Variants in MSI2 observed in about 807,000 individuals in gnomAD.
The protein encoded by MSI2 is RNA-binding protein Musashi homolog 2.
Under a neutral mutation model 45.6 loss-of-function variants are expected in MSI2, and 17 were observed. The ratio of observed to expected loss-of-function variants is 0.37; its 90% confidence interval spans 0.26 to 0.56. MSI2 has a LOEUF of 0.56. Ranked by LOEUF, MSI2 falls within the 20% of genes least tolerant of loss-of-function variation. The pLI is 0.77. For synonymous variants in MSI2, 156 were observed against 158.2 expected (o/e 0.99, Z 0.11); for missense variants, 293 against 444.2 (o/e 0.66, Z 3.06).
At chr17:57,637,710 G>A (rs188253289) in intron 10 of MSI2, among the ~76,000 whole-genome samples, 4 of 152,206 alleles carry the variant, frequency 2.6e-5, no homozygotes, top group Non-Finnish European at 4.4e-5. Flanking sequence ...TGTTGAGAGG[G>A]TTAGTCGGAC....
At chr17:57,638,894 C>G (rs1910037831) in intron 10 of MSI2, among the ~76,000 whole-genome samples, 1 of 151,818 alleles carries the variant, frequency 6.6e-6, no homozygotes, top group Admixed American at 6.6e-5. Context: ...AGAATGAGAC[C>G]CTGTCTCAAA....
At chr17:57,401,537 A>G (rs1598219044) in intron 6 of MSI2, 66 bp downstream of exon 6, 4 of 1,283,624 alleles carry the variant, frequency 3.1e-6, no homozygotes, top group Middle Eastern at 1.8e-4. Flanking sequence ...AGAAGAGGCT[A>G]CCGTGGCCCC....
chr17:57,597,001 C>T (rs759721305), intron 8 of MSI2, 51 bp downstream of exon 8: 1 of 1,337,410 alleles, frequency 7.5e-7, no homozygotes, highest in East Asian at 2.3e-5. Flanking sequence ...TCTCTACGTA[C>T]ACACCCAGTC....
intron 7 of MSI2, among the ~76,000 whole-genome samples, chr17:57,558,608 C>A (rs1402034519): frequency 6.6e-6 from 1 of 152,190 alleles, no homozygotes; most frequent in East Asian, 1.9e-4. Flanking sequence ...TTGCCCCAGC[C>A]CTCTGACCTC....
chr17:57,281,301 C>T (rs749262377), intron 5 of MSI2, among the ~76,000 whole-genome samples: 22 of 152,292 alleles, frequency 1.4e-4, no homozygotes, highest in Middle Eastern at 6.8e-3. Context: ...TGTCAGTTCT[C>T]AGCACCTCTA....
intron 6 of MSI2, among the ~76,000 whole-genome samples, chr17:57,435,522 G>C (rs2084675355): frequency 6.6e-6 from 1 of 152,154 alleles, no homozygotes; most frequent in South Asian, 2.1e-4. Context: ...TGGATAGTGG[G>C]GAGCTAGGAG....
Position 57,311,110 on chromosome 17 carries a change from A to G in MSI2, c.312+48918A>G, listed in dbSNP as rs146312415. Among the ~76,000 whole-genome samples, 647 of 152,266 alleles carry G rather than the reference A, an allele frequency of 4.2e-3. 8 individuals are homozygous for G. The highest frequency in any genetic ancestry group is 0.015 in the African/African-American group (621 of 41,550). On this transcript the variant is annotated intron_variant, in intron 5 of 13. Coordinates refer to ENST00000284073, the MANE Select transcript of MSI2 (RefSeq NM_138962.4). The stretch of plus-strand genomic sequence containing the variant: ...TCAATATGTGGTGGCTCTGATTACT[A>G]TTATTGGTGTTGTTTGTAGAAAATT...
At chr17:57,599,352 C>T (rs1905606226) in intron 8 of MSI2, among the ~76,000 whole-genome samples, 1 of 152,114 alleles carries the variant, frequency 6.6e-6, no homozygotes, top group African/African-American at 2.4e-5. Flanking sequence ...CTTACTGGTG[C>T]CAAAGGAACT....
intron 6 of MSI2, among the ~76,000 whole-genome samples, chr17:57,508,615 C>A (rs1441241409): frequency 6.6e-6 from 1 of 152,180 alleles, no homozygotes; most frequent in East Asian, 1.9e-4. Context: ...TTTGGAAGGC[C>A]TCTTCCAAAG....
At position 57,524,778 on chromosome 17, in the gene MSI2, G is replaced by A. The variant is rs551590337; in HGVS notation, c.406-4898G>A. On this transcript the variant is annotated intron_variant, in intron 6 of 13. Transcript: ENST00000284073. ...GAGGGAGAACTTGCCACACTGAAGT[G>A]TGGAACTTGCTCCTAGATGGGAAAT... Among the ~76,000 whole-genome samples the A allele has an allele frequency of 7.9e-5, 12 of 152,342 alleles. No individual in the cohort carries two copies. In the South Asian group the frequency reaches 2.3e-3, roughly 29 times the overall value.
At chr17:57,463,847 G>A (rs183298327) in intron 6 of MSI2, among the ~76,000 whole-genome samples, 2 of 152,066 alleles carry the variant, frequency 1.3e-5, no homozygotes, top group Admixed American at 6.6e-5. Flanking sequence ...AACCAGCATC[G>A]CCCTCTTCTT....
At chr17:57,473,320 GTA>G (rs1436715464) in intron 6 of MSI2, among the ~76,000 whole-genome samples, 9 of 152,218 alleles carry the variant, frequency 5.9e-5, no homozygotes, top group African/African-American at 2.2e-4. Flanking sequence ...GCGTGTGTGA[GTA>G]TGTGTGCATA....
rs1383344853 is a variant in MSI2 at position 57,552,838 on chromosome 17, GA to G, written c.454+23115del. The stretch of plus-strand genomic sequence containing the variant: ...TCAGTATTTTTAGGAAATAAGTGGG[GA>G]CATAAATATAAACAACCCGGAAATC... On this transcript the variant is annotated intron_variant, in intron 7 of 13. Coordinates refer to ENST00000284073, the MANE Select transcript of MSI2 (RefSeq NM_138962.4). This position sits in a 1 kb window ranked among gnomAD's most constrained non-coding sequence, Gnocchi z 4.3. 6.6e-6 allele frequency among the ~76,000 whole-genome samples: 1 copy of G among 152,132 alleles called. No individual in the cohort carries two copies. The highest frequency in any genetic ancestry group is 1.5e-5 in the Non-Finnish European group (1 of 68,030).
chr17:57,400,718 G>A (rs1004463583), intron 5 of MSI2, among the ~76,000 whole-genome samples: 7 of 152,074 alleles, frequency 4.6e-5, no homozygotes, highest in African/African-American at 9.7e-5. Context: ...ACTTGCCGTA[G>A]TTAGGTTCAG....
At chr17:57,480,051 C>T (rs1295039954) in intron 6 of MSI2, among the ~76,000 whole-genome samples, 1 of 152,152 alleles carries the variant, frequency 6.6e-6, no homozygotes, top group East Asian at 1.9e-4. Flanking sequence ...AGTCTCAGCT[C>T]ACTCTGCCTC....
chr17:57,659,246 TG>T (rs138804834), intron 11 of MSI2, among the ~76,000 whole-genome samples: 5,128 of 151,810 alleles, frequency 0.034, 136 homozygotes, highest in Middle Eastern at 0.075. Flanking sequence ...GTGTGTTTTT[TG>T]TTTTTTCTTT....
chr17:57,340,266 G>T (rs59853101), intron 5 of MSI2, among the ~76,000 whole-genome samples: 3,757 of 152,198 alleles, frequency 0.025, 170 homozygotes, highest in African/African-American at 0.086. Flanking sequence ...GCCTCCAGAC[G>T]CACCTCCTCC....
chr17:57,424,810 G>C (rs567308407), intron 6 of MSI2, among the ~76,000 whole-genome samples: 1 of 152,120 alleles, frequency 6.6e-6, no homozygotes, highest in Non-Finnish European at 1.5e-5. Flanking sequence ...GATGACTCCA[G>C]GACAGCCAGT....
At position 57,258,529 on chromosome 17, in the gene MSI2, T is replaced by C. The variant is rs184099843; in HGVS notation, c.270+175T>C. On this transcript the variant is annotated intron_variant, in intron 4 of 13. Transcript: ENST00000284073. ...TGCTGTGGCTGGCTTTGGGGTTTTC[T>C]TTTTAGAGCCTGTCCCATTGCAGCT... Among the ~76,000 whole-genome samples, 769 of 152,338 alleles carry C rather than the reference T, an allele frequency of 5.0e-3. 3 individuals are homozygous for C. Among genetic ancestry groups the C allele is most frequent in the African/African-American group, 0.018 (729 of 41,578 alleles).
Sources: allele counts gnomAD v4.1 joint callset (sites outside exome capture counted in the v4.1 genomes callset), GRCh38; gene constraint gnomAD v4.1.1; non-coding constraint Gnocchi (gnomAD v3.1); transcripts MANE v1.5; gene names NCBI Gene and HGNC (gene_info 2026-07-23, HGNC 2026-07-21).